The following FBXL5 variants were observed in gnomAD, a reference collection of about 807,000 sequenced individuals.
FBXL5 encodes the protein F-box and leucine rich repeat protein 5, also known as F-box/LRR-repeat protein 5.
FBXL5 carries 26 observed loss-of-function variants against 78.3 expected under a neutral mutation model. The observed-to-expected ratio is 0.33, with a 90% CI of 0.24 to 0.46. The LOEUF is 0.46. Among genes scored for constraint, FBXL5 ranks in the 20% least tolerant of loss-of-function variants. The pLI is 1.00. For missense variants in FBXL5, 710 were observed against 829.2 expected (o/e 0.86, Z 1.77); for synonymous variants, 295 against 282.5 (o/e 1.04, Z -0.45).
chr4:15,613,387 G>A (rs1164617423), intron 9 of FBXL5, among the ~76,000 whole-genome samples: 4 of 151,970 alleles, frequency 2.6e-5, no homozygotes, highest in Non-Finnish European at 5.9e-5. Context: ...AAACCTAATG[G>A]CACACCCTAG....
At chr4:15,656,041 G>GA (rs1196712639), upstream of FBXL5, among the ~76,000 whole-genome samples, 1 of 152,244 alleles carries the variant, frequency 6.6e-6, no homozygotes, top group African/African-American at 2.4e-5. Context: ...CAACGTGGGG[G>GA]AAAAACAGTA....
chr4:15,636,796 G>A, intron 4 of FBXL5, 120 bp from the exon 5 acceptor site: 1 of 677,206 alleles, frequency 1.5e-6, no homozygotes, highest in Non-Finnish European at 2.4e-6. Flanking sequence ...CTGCTTGCAA[G>A]ATGTGAAAAT....
intron 1 of FBXL5, among the ~76,000 whole-genome samples, chr4:15,654,502 A>G (rs1401609132): frequency 6.6e-6 from 1 of 152,200 alleles, no homozygotes; most frequent in Non-Finnish European, 1.5e-5. Flanking sequence ...AAAGAAATCC[A>G]AGAGAGAATT....
chr4:15,659,506 G>A (rs927323629), upstream of FBXL5, among the ~76,000 whole-genome samples: 2 of 152,162 alleles, frequency 1.3e-5, no homozygotes, highest in African/African-American at 2.4e-5. Context: ...TCTACCAGGA[G>A]AATGTGAGCT....
intron 9 of FBXL5, among the ~76,000 whole-genome samples, chr4:15,612,644 G>A (rs555787924): frequency 6.6e-6 from 1 of 152,092 alleles, no homozygotes; most frequent in East Asian, 1.9e-4. Flanking sequence ...CTATAAAACT[G>A]TTCTTTATAA....
chr4:15,625,489 CAATGCT>C lies in FBXL5; in HGVS notation c.1607_1612del (p.Gln536_Cys538delinsArg). 1.2e-6 allele frequency: 2 copies of C among 1,613,938 alleles called. No homozygotes were observed. The highest frequency in any genetic ancestry group is 2.2e-5 in the South Asian group (2 of 91,054). On this transcript the variant is annotated inframe_deletion, in exon 9 of 11. Transcript: ENST00000341285. ...ACAATACGCAAAGGCTGGAGAAGCA[CAATGCT>C]GCTGCCAACAGACACTAGTCCTTAG...
chr4:15,623,483 T>C (rs1712685450), intron 9 of FBXL5, among the ~76,000 whole-genome samples: 1 of 150,844 alleles, frequency 6.6e-6, no homozygotes, highest in Admixed American at 6.6e-5. Context: ...TATAAATAAA[T>C]TTCAATAAGG....
upstream of FBXL5, chr4:15,659,655 T>G (rs147086764): frequency 6.6e-6 from 5 of 752,744 alleles, no homozygotes; most frequent in East Asian, 6.4e-4. Flanking sequence ...TAGTGGTCCA[T>G]AAAGTTTCCT....
chr4:15,641,121 G>A (rs368055661), intron 2 of FBXL5, among the ~76,000 whole-genome samples: 14 of 152,080 alleles, frequency 9.2e-5, no homozygotes, highest in Middle Eastern at 3.4e-3. Flanking sequence ...AAAATAGCAC[G>A]TATCTGCCCA....
At chr4:15,658,794 C>T (rs540785467), upstream of FBXL5, among the ~76,000 whole-genome samples, 14 of 152,178 alleles carry the variant, frequency 9.2e-5, no homozygotes, top group African/African-American at 3.4e-4. Flanking sequence ...TCTACTTTCT[C>T]GATAGCCACA....
chr4:15,648,717 GA>G (rs1486675743), intron 1 of FBXL5, among the ~76,000 whole-genome samples: 1 of 152,130 alleles, frequency 6.6e-6, no homozygotes, highest in African/African-American at 2.4e-5. Context: ...AGGGGATGGA[GA>G]AAATGGGGAG....
upstream of FBXL5, among the ~76,000 whole-genome samples, chr4:15,658,129 T>C (rs1717104593): frequency 6.6e-6 from 1 of 152,228 alleles, no homozygotes; most frequent in South Asian, 2.1e-4. Flanking sequence ...CTGGAAAGGG[T>C]TATTGGCCAG....
chr4:15,608,651 A>T (rs1288803889), intron 10 of FBXL5, among the ~76,000 whole-genome samples: 1 of 151,836 alleles, frequency 6.6e-6, no homozygotes, highest in Non-Finnish European at 1.5e-5. Context: ...TTTCAGTGAG[A>T]TTCTAAGTAT....
chr4:15,623,525 AT>A (rs1712690871), intron 9 of FBXL5, among the ~76,000 whole-genome samples: 1 of 152,196 alleles, frequency 6.6e-6, no homozygotes, highest in Non-Finnish European at 1.5e-5. Flanking sequence ...ACAATGAAAA[AT>A]GAATTACGAG....
intron 6 of FBXL5, among the ~76,000 whole-genome samples, chr4:15,630,139 C>G: frequency 6.6e-6 from 1 of 152,124 alleles, no homozygotes; most frequent in East Asian, 1.9e-4. Context: ...CATCCTTGAA[C>G]TCTCCCACAG....
At chr4:15,675,906 C>T (rs936594688) in intron 1 of FBXL5, among the ~76,000 whole-genome samples, 7 of 152,118 alleles carry the variant, frequency 4.6e-5, no homozygotes, top group African/African-American at 1.7e-4. Flanking sequence ...TAGTTGAATA[C>T]GCAGAAATGC....
chr4:15,628,470 T>C (rs1560221703), intron 6 of FBXL5, among the ~76,000 whole-genome samples: 1 of 152,162 alleles, frequency 6.6e-6, no homozygotes, highest in Non-Finnish European at 1.5e-5. Context: ...CAGAATGTAC[T>C]ACTGTAACAT....
intron 5 of FBXL5, 198 bp downstream of exon 5, chr4:15,636,296 C>T: frequency 2.4e-6 from 1 of 425,238 alleles, no homozygotes; most frequent in Non-Finnish European, 4.1e-6. Flanking sequence ...TTTTTAATTA[C>T]AGACATCATT....
chr4:15,640,503 A>G (rs993114088), intron 3 of FBXL5, among the ~76,000 whole-genome samples: 1 of 152,020 alleles, frequency 6.6e-6, no homozygotes, highest in African/African-American at 2.4e-5. Context: ...TTAGGGTAGC[A>G]TAAGTTATTA....
Sources: allele counts gnomAD v4.1 joint callset (sites outside exome capture counted in the v4.1 genomes callset), GRCh38; gene constraint gnomAD v4.1.1; transcripts MANE v1.5; gene names NCBI Gene and HGNC (gene_info 2026-07-23, HGNC 2026-07-21).